The following PDE10A variants were observed in gnomAD, a reference collection of about 807,000 sequenced individuals.
The protein encoded by PDE10A is cAMP and cAMP-inhibited cGMP 3',5'-cyclic phosphodiesterase 10A.
PDE10A carries 39 observed loss-of-function variants against 97.7 expected under a neutral mutation model. The ratio of observed to expected loss-of-function variants is 0.40; its 90% CI spans 0.31 to 0.52. PDE10A has a LOEUF of 0.52. PDE10A is among the 20% of genes least tolerant of loss of function. The probability of loss-of-function intolerance (pLI) is 0.56; values close to 1 mark genes in which losing one functional copy is unlikely to be tolerated. For missense variants in PDE10A, 731 were observed against 1,047.8 expected, an observed-to-expected ratio of 0.70 and a Z score of 4.17; for synonymous variants, 371 against 376.8, an observed-to-expected ratio of 0.98 and a Z score of 0.18.
rs57547290 is a variant in PDE10A, at chr6:165,686,130, GACACACACACACACACAC to G, written c.-614-142580_-614-142563del. ...TTCTTCCCAATCTTAAATGTGCATG[GACACACACACACACACAC>G]ACACACACACACACACACACACACA... On this transcript the variant is annotated intron_variant, in intron 1 of 19. Transcript: ENST00000366882. 2.3e-3 allele frequency among the ~76,000 whole-genome samples: 328 copies of G among 145,404 alleles called. 1 individual carries two copies. The highest frequency in any genetic ancestry group is 8.4e-4 in the Non-Finnish European group (56 of 66,490).
At chr6:165,611,974 A>G (rs1047826804) in intron 1 of PDE10A, among the ~76,000 whole-genome samples, 1 of 152,226 alleles carries the variant, frequency 6.6e-6, no homozygotes, top group African/African-American at 2.4e-5. Flanking sequence ...CACACTTCAT[A>G]CATCCTCATC....
At chr6:165,345,877 TA>T (rs566896516) in intron 18 of PDE10A, among the ~76,000 whole-genome samples, 273 of 152,036 alleles carry the variant, frequency 1.8e-3, no homozygotes, top group Non-Finnish European at 3.1e-3. Context: ...TAAAAATCAA[TA>T]AATCAATAAA....
intron 13 of PDE10A, among the ~76,000 whole-genome samples, chr6:165,406,345 T>C (rs1428138581): frequency 6.6e-6 from 1 of 151,832 alleles, no homozygotes; most frequent in Non-Finnish European, 1.5e-5. Flanking sequence ...TGGTATAAGA[T>C]GTATTTTTGA....
At chr6:165,940,810 T>C (rs1469636622) in intron 1 of PDE10A, 1 of 152,238 alleles carries the variant, frequency 6.6e-6, no homozygotes, top group Non-Finnish European at 1.5e-5. Flanking sequence ...AATGAACCAA[T>C]GATAAGCACA....
At chr6:165,838,869 G>A (rs1472689810) in intron 1 of PDE10A, among the ~76,000 whole-genome samples, 1 of 152,174 alleles carries the variant, frequency 6.6e-6, no homozygotes, top group Non-Finnish European at 1.5e-5. Flanking sequence ...TGATCTGAAG[G>A]CCAGCCTCCC....
chr6:165,765,128 T>A (rs1418205166), intron 1 of PDE10A, among the ~76,000 whole-genome samples: 1 of 152,182 alleles, frequency 6.6e-6, no homozygotes, highest in African/African-American at 2.4e-5. Context: ...AACCTTGAGC[T>A]AGATACAGAG....
chr6:165,924,783 T>G (rs140356588), intron 1 of PDE10A, among the ~76,000 whole-genome samples: 2 of 152,186 alleles, frequency 1.3e-5, no homozygotes, highest in African/African-American at 4.8e-5. Context: ...ATCACAAACT[T>G]AAATGTAAAA....
chr6:165,673,433 T>C (rs1562676717), intron 1 of PDE10A, among the ~76,000 whole-genome samples: 1 of 152,222 alleles, frequency 6.6e-6, no homozygotes, highest in Non-Finnish European at 1.5e-5. Context: ...TTGGATTTAT[T>C]GTAGCTTCTC....
chr6:165,768,375 C>T (rs1777920341), intron 1 of PDE10A, among the ~76,000 whole-genome samples: 1 of 152,040 alleles, frequency 6.6e-6, no homozygotes, highest in African/African-American at 2.4e-5. Context: ...TGAAGATATA[C>T]ACATAGGTTT....
chr6:165,329,848 T>C lies in PDE10A; in HGVS notation c.*3177A>G, dbSNP rs1583045762. 6.6e-6 allele frequency: 1 copy of C among 152,296 alleles called. No homozygotes were observed. Among genetic ancestry groups the C allele is most frequent in the East Asian group, 1.9e-4 (1 of 5,174 alleles). 9.4% of individuals were successfully genotyped at this position (152,296 alleles called of 1,614,324 possible). Reference sequence around the variant, plus strand: ...AATGGGAACGATTGTGTCTAATATTTTGGTCTCTTTTGCAAGATGGGTTTT... The same window carrying C: ...AATGGGAACGATTGTGTCTAATATTCTGGTCTCTTTTGCAAGATGGGTTTT... On this transcript the variant is annotated 3_prime_UTR_variant, in exon 22 of 22. Coordinates refer to ENST00000539869, the MANE Select transcript of PDE10A (RefSeq NM_001385079.1).
intron 1 of PDE10A, among the ~76,000 whole-genome samples, chr6:165,969,078 C>T (rs1017827859): frequency 1.3e-5 from 2 of 152,214 alleles, no homozygotes; most frequent in African/African-American, 2.4e-5. Flanking sequence ...ATTCTGGAAG[C>T]ATTTGACAAT....
chr6:165,958,441 G>A (rs1483841674), intron 1 of PDE10A, among the ~76,000 whole-genome samples: 1 of 147,954 alleles, frequency 6.8e-6, no homozygotes, highest in Admixed American at 6.9e-5. Flanking sequence ...CTCCAGCCTG[G>A]GCAACAAAGA....
chr6:165,839,916 C>CCCATCCCCATCT (rs1157130713), intron 1 of PDE10A, among the ~76,000 whole-genome samples: 49 of 4,592 alleles, frequency 0.011, no homozygotes, highest in African/African-American at 0.015. Context: ...CAACTCCATC[C>CCCATCCCCATCT]CCAACCTCAT....
intron 18 of PDE10A, among the ~76,000 whole-genome samples, chr6:165,374,286 ATTT>A (rs1163544278): frequency 1.3e-5 from 2 of 151,934 alleles, no homozygotes; most frequent in Admixed American, 1.3e-4. Context: ...TTTAATTATT[ATTT>A]GTTACTATGA....
rs1308108760 is a variant in PDE10A at position 165,396,347 on chromosome 6, A to G, written c.2189T>C (p.Leu730Pro). The G allele has an allele frequency of 6.2e-6, 10 of 1,613,486 alleles. No individual in the cohort carries two copies. The highest frequency in any genetic ancestry group is 7.6e-6 in the Non-Finnish European group (9 of 1,179,610). The change falls in exon 14 of 22, where the codon CTT (leucine) becomes CCT (proline). Residue 730 changes from leucine (L) to proline (P), a missense_variant. By Grantham distance (98) the Leu-to-Pro change is moderately conservative. Around this residue, in one of 8 missense-constraint regions of PDE10A, gnomAD observed 131 missense variants for 187.4 expected, o/e 0.70. Coordinates refer to ENST00000539869, the MANE Select transcript of PDE10A (RefSeq NM_001385079.1). Reference sequence around the variant, plus strand: ...AATTTCTTTGCAGAGACGCACGGGAAGGGTGAATTGCATGAGACCTTGCCA... The same window carrying G: ...AATTTCTTTGCAGAGACGCACGGGAGGGGTGAATTGCATGAGACCTTGCCA... ...EEWQGLMQFTLPVRLCKEIEL... is the reference protein window; with the variant it reads ...EEWQGLMQFTPPVRLCKEIEL...
rs186378237 is a variant in PDE10A, at chr6:165,744,798, T to G, written c.-614-201230A>C. Among the ~76,000 whole-genome samples the G allele has an allele frequency of 2.2e-4, 34 of 151,734 alleles. 1 individual carries two copies. The highest frequency in any genetic ancestry group is 8.2e-4 in the African/African-American group (34 of 41,394). On this transcript the variant is annotated intron_variant, in intron 1 of 19. Coordinates refer to the PDE10A transcript ENST00000366882. ...AACATTTTATTTTTTAATCCTGAAC[T>G]CTGAAACATATCCAGCCCAGGGTTT...
At chr6:165,502,498 T>C (rs1248373853) in intron 2 of PDE10A, among the ~76,000 whole-genome samples, 1 of 152,224 alleles carries the variant, frequency 6.6e-6, no homozygotes, top group African/African-American at 2.4e-5. Flanking sequence ...GAAAAACTCA[T>C]TAAAACGTTT....
At chr6:165,948,322 A>G (rs945737052) in intron 1 of PDE10A, 10 of 152,234 alleles carry the variant, frequency 6.6e-5, no homozygotes, top group African/African-American at 1.9e-4. Context: ...AGCTCTGTCA[A>G]TGGAGAACAA....
intron 2 of PDE10A, among the ~76,000 whole-genome samples, chr6:165,509,942 G>A (rs1781418223): frequency 6.6e-6 from 1 of 151,896 alleles, no homozygotes; most frequent in South Asian, 2.1e-4. Context: ...CAACTATACT[G>A]TATTTGCTTA....
Sources: allele counts gnomAD v4.1 joint callset (sites outside exome capture counted in the v4.1 genomes callset), GRCh38; gene constraint gnomAD v4.1.1; regional missense constraint gnomAD v4.1.1; transcripts MANE v1.5; gene names NCBI Gene and HGNC (gene_info 2026-07-23, HGNC 2026-07-21).